PVT1: variants seen among roughly 807,000 people sequenced by gnomAD.
The protein encoded by PVT1 is CXCR4/PVT1 fusion.
chr8:128,021,935 C>T (rs998401383), intron 4 of PVT1, among the ~76,000 whole-genome samples: 2 of 152,004 alleles, frequency 1.3e-5, no homozygotes, highest in Admixed American at 1.3e-4. Flanking sequence ...GCCTGTAATC[C>T]CAGCTATTTG....
At chr8:128,092,863 A>C (rs1043451465) in intron 5 of PVT1, among the ~76,000 whole-genome samples, 1 of 152,116 alleles carries the variant, frequency 6.6e-6, no homozygotes, top group Non-Finnish European at 1.5e-5. Context: ...CACCGCCAGG[A>C]GATCTCCTGC....
chr8:127,795,071 C>A (rs886123390), intron 1 of PVT1, among the ~76,000 whole-genome samples: 6 of 152,136 alleles, frequency 3.9e-5, no homozygotes, highest in Non-Finnish European at 4.4e-5. Context: ...GCCCCTCTGG[C>A]GAAACTAGAG....
intron 3 of PVT1, among the ~76,000 whole-genome samples, chr8:127,906,101 A>G (rs1052810740): frequency 6.6e-6 from 1 of 152,220 alleles, no homozygotes; most frequent in Non-Finnish European, 1.5e-5. Context: ...GCAGATGGTC[A>G]CATAATCGGT....
At chr8:128,059,607 A>G (rs952677862) in intron 4 of PVT1, among the ~76,000 whole-genome samples, 1 of 152,248 alleles carries the variant, frequency 6.6e-6, no homozygotes, top group Admixed American at 6.5e-5. Context: ...TTATGTTACA[A>G]TGGCAGAGAT....
At chr8:128,087,409 C>T (rs1249719610) in intron 5 of PVT1, among the ~76,000 whole-genome samples, 1 of 152,188 alleles carries the variant, frequency 6.6e-6, no homozygotes. Context: ...GATGCTGCAA[C>T]CAGCTTTGTC....
chr8:127,981,437 G>A (rs920659571), intron 3 of PVT1, among the ~76,000 whole-genome samples: 9 of 152,180 alleles, frequency 5.9e-5, no homozygotes, highest in African/African-American at 1.9e-4. Flanking sequence ...TGTGGTGGGT[G>A]GTGTTTATCT....
At chr8:127,843,729 G>A (rs1380916680) in intron 2 of PVT1, among the ~76,000 whole-genome samples, 2 of 147,470 alleles carry the variant, frequency 1.4e-5, no homozygotes, top group East Asian at 4.0e-4. Flanking sequence ...ACAGGCGTGA[G>A]CCACCACGCC....
In PVT1 at chr8:127,898,209, GAGAAA is replaced by G. The variant is rs1815710855; in HGVS notation, n.782+7217_782+7221del. On this transcript the variant is annotated intron_variant and non_coding_transcript_variant, in intron 3 of 10. Transcript: ENST00000651587. The surrounding 1 kb of genome is among the most constrained non-coding windows in gnomAD (Gnocchi z 4.4). ...CCTTTGTACCTGCGTGAAGAAAGAA[GAGAAA>G]AGAAAGAAAAGAAAGAAAGAAAGAA... Among the ~76,000 whole-genome samples, 1 of 139,598 alleles carries G rather than the reference GAGAAA, an allele frequency of 7.2e-6. No homozygotes were observed. The highest frequency in any genetic ancestry group is 1.6e-5 in the Non-Finnish European group (1 of 63,470). The allele number at this position is 139,598 out of a possible 152,430, so 91.6% of individuals were successfully genotyped here.
At position 127,903,616 on chromosome 8, in the gene PVT1, G is replaced by A. The variant is rs75137847; in HGVS notation, n.782+12618G>A. Among the ~76,000 whole-genome samples the A allele has an allele frequency of 1.1e-3, 168 of 152,252 alleles. 1 individual carries two copies. The highest frequency in any genetic ancestry group is 2.0e-3 in the Non-Finnish European group (134 of 68,012). On this transcript the variant is annotated intron_variant and non_coding_transcript_variant, in intron 3 of 10. Transcript: ENST00000651587. The stretch of plus-strand genomic sequence containing the variant: ...TATTTTTTGTGTGGTGATAAATAGG[G>A]ATTCTGTTTCATTTTCTTCTGCATA...
intron 2 of PVT1, among the ~76,000 whole-genome samples, chr8:127,835,140 T>C (rs961983964): frequency 3.3e-5 from 5 of 152,154 alleles, no homozygotes; most frequent in Non-Finnish European, 7.3e-5. Flanking sequence ...TAAAGACACA[T>C]GCACATATAT....
At chr8:128,025,141 C>T (rs190501865) in intron 4 of PVT1, among the ~76,000 whole-genome samples, 4 of 152,330 alleles carry the variant, frequency 2.6e-5, no homozygotes, top group South Asian at 2.1e-4. Context: ...TTTGGGCTGG[C>T]GCAGGCCAGG....
At chr8:127,989,910 GT>G (rs751540833) in intron 4 of PVT1, among the ~76,000 whole-genome samples, 5 of 152,160 alleles carry the variant, frequency 3.3e-5, no homozygotes, top group Non-Finnish European at 5.9e-5. Context: ...AATAGGGATG[GT>G]ATTAGTGCCT....
intron 3 of PVT1, among the ~76,000 whole-genome samples, chr8:127,895,851 T>G (rs1033236262): frequency 1.3e-5 from 2 of 152,230 alleles, no homozygotes; most frequent in Non-Finnish European, 2.9e-5. Context: ...GTACTGCTTG[T>G]CAGTTCTGCC....
At chr8:128,025,544 C>T (rs1275347968) in intron 4 of PVT1, among the ~76,000 whole-genome samples, 1 of 152,184 alleles carries the variant, frequency 6.6e-6, no homozygotes, top group African/African-American at 2.4e-5. Context: ...TGCACCATTC[C>T]CAGACCATTT....
chr8:128,097,372 A>G (rs1814442904), intron 6 of PVT1, among the ~76,000 whole-genome samples: 1 of 152,104 alleles, frequency 6.6e-6, no homozygotes, highest in Non-Finnish European at 1.5e-5. Context: ...AAAACAAACA[A>G]ACAAACAAAA....
chr8:127,863,858 G>A (rs1815256223), intron 2 of PVT1, among the ~76,000 whole-genome samples: 1 of 152,192 alleles, frequency 6.6e-6, no homozygotes, highest in African/African-American at 2.4e-5. Flanking sequence ...GTGTACCTGT[G>A]GCCAGGGCTT....
At chr8:127,822,110 G>A (rs1814737069) in intron 2 of PVT1, among the ~76,000 whole-genome samples, 1 of 152,210 alleles carries the variant, frequency 6.6e-6, no homozygotes, top group South Asian at 2.1e-4. Flanking sequence ...CTGTTGTAAG[G>A]ATTAAATGAA....
chr8:127,998,449 T>C (rs1817132371), intron 4 of PVT1: 2 of 152,212 alleles, frequency 1.3e-5, no homozygotes, highest in Admixed American at 1.3e-4. Context: ...CCTTGGCTAT[T>C]GGGAACTCTT....
chr8:128,007,241 G>A (rs544348621), intron 4 of PVT1, among the ~76,000 whole-genome samples: 3 of 152,268 alleles, frequency 2.0e-5, no homozygotes, highest in Admixed American at 2.0e-4. Flanking sequence ...GAGCAACTAA[G>A]CAATAATATT....
Sources: gnomAD v4.1 joint callset for allele counts (sites outside exome capture counted in the v4.1 genomes callset) on GRCh38, gnomAD v4.1.1 for gene constraint, Gnocchi (gnomAD v3.1) non-coding constraint, MANE v1.5 for transcripts, NCBI Gene and HGNC (gene_info 2026-07-23, HGNC 2026-07-21) for gene names.